The following ASAP2 variants were observed in gnomAD, a reference collection of about 807,000 sequenced individuals.
ASAP2 encodes the protein ArfGAP with SH3 domain, ankyrin repeat and PH domain 2.
A neutral mutation model predicts 131.4 loss-of-function variants in ASAP2; 45 were observed. The observed-to-expected ratio is 0.34, with a 90% confidence interval of 0.27 to 0.44. The LOEUF (loss-of-function observed/expected upper bound fraction) is 0.44, where lower values mean the gene tolerates loss of function less well. Among genes scored for constraint, ASAP2 ranks in the 20% least tolerant of loss-of-function variants. The probability of loss-of-function intolerance (pLI) is 1.00; values close to 1 mark genes in which losing one functional copy is unlikely to be tolerated. For missense variants in ASAP2, 1,011 were observed against 1,297.0 expected (o/e 0.78, Z 3.39); for synonymous variants, 510 against 503.0 (o/e 1.01, Z -0.19).
intron 12 of ASAP2, among the ~76,000 whole-genome samples, chr2:9,355,098 A>T (rs1205023128): frequency 1.3e-5 from 2 of 152,176 alleles, no homozygotes; most frequent in Admixed American, 1.3e-4. Context: ...TCCGTGGTAC[A>T]TGTTATCCAA....
chr2:9,364,717 C>T (rs573573222), intron 15 of ASAP2, among the ~76,000 whole-genome samples: 1 of 152,208 alleles, frequency 6.6e-6, no homozygotes, highest in South Asian at 2.1e-4. Flanking sequence ...TAACGACTTA[C>T]AACTGTCTTC....
Position 9,355,207 on chromosome 2 carries a change from T to C in ASAP2, c.1112-840T>C, listed in dbSNP as rs76662113. Among the ~76,000 whole-genome samples, 1,013 of 152,366 alleles carry C rather than the reference T, an allele frequency of 6.6e-3. 11 individuals carry two copies. Among genetic ancestry groups the C allele is most frequent in the African/African-American group, 0.023 (960 of 41,596 alleles). On this transcript the variant is annotated intron_variant, in intron 12 of 27. Transcript: ENST00000281419. ...ACCAGTTTTCCCCCAAATGTCCTTT[T>C]TTCTGTTCCAGAATTCTATCCAGAA...
At chr2:9,346,086 G>A (rs985904627) in intron 11 of ASAP2, among the ~76,000 whole-genome samples, 5 of 151,902 alleles carry the variant, frequency 3.3e-5, no homozygotes, top group African/African-American at 9.7e-5. Context: ...GATCACCACC[G>A]TACTCCCCCT....
At chr2:9,400,235 C>CCCCTCCTG (rs1558405868) in intron 25 of ASAP2, among the ~76,000 whole-genome samples, 163 bp downstream of exon 25, 1 of 104,682 alleles carries the variant, frequency 9.6e-6, no homozygotes, top group Non-Finnish European at 2.0e-5. Context: ...CCTGCCCCCT[C>CCCCTCCTG]CCCTCCTGCC....
rs887084834 is a variant in ASAP2, at chr2:9,217,076, T to C, written c.126+9846T>C. Among the ~76,000 whole-genome samples, 3 of 152,186 alleles carry C rather than the reference T, an allele frequency of 2.0e-5. No individual in the cohort carries two copies. Among genetic ancestry groups the C allele is most frequent in the Non-Finnish European group, 2.9e-5 (2 of 68,014 alleles). ...TTGGAGGTGATGAAGCCAGGATTCA[T>C]TCAAATCAAGCATTTTGACACCAGA... On this transcript the variant is annotated intron_variant, in intron 1 of 27. Transcript: ENST00000281419. The surrounding 1 kb of genome is among the most constrained non-coding windows in gnomAD (Gnocchi z 4.0).
At position 9,400,781 on chromosome 2, in the gene ASAP2, A is replaced by G. The variant is rs376887717; in HGVS notation, c.2774A>G (p.Asn925Ser). 8.7e-6 allele frequency: 14 copies of G among 1,613,548 alleles called. No homozygotes were observed. The highest frequency in any genetic ancestry group is 5.0e-5 in the Admixed American group (3 of 59,992). The change falls in exon 26 of 28, where the codon AAT (asparagine) becomes AGT (serine). Residue 925 changes from asparagine (N) to serine (S), a missense_variant. Transcript: ENST00000281419. The part of the protein sequence containing the change: ...SATEALGPLS[N>S]AMVLQPPAPM... Reference sequence around the variant, plus strand: ...ACGGAAGCTCTGGGTCCTCTGTCCAATGCTATGGTCCTGCAGCCCCCTGCA... The same window carrying G: ...ACGGAAGCTCTGGGTCCTCTGTCCAGTGCTATGGTCCTGCAGCCCCCTGCA...
At chr2:9,377,427 C>T (rs2715856) in intron 18 of ASAP2, among the ~76,000 whole-genome samples, 16,999 of 152,244 alleles carry the variant, frequency 0.11, 1,050 homozygotes, top group African/African-American at 0.17. Context: ...GAAACCAGAG[C>T]ACTGGATTAT....
intron 3 of ASAP2, among the ~76,000 whole-genome samples, chr2:9,305,025 G>A (rs114562118): frequency 0.013 from 1,947 of 150,086 alleles, 50 homozygotes; most frequent in African/African-American, 0.046. Flanking sequence ...ATTGGTGGAG[G>A]GGCTAGTGTA....
At chr2:9,337,348 G>C (rs1278823707) in intron 9 of ASAP2, among the ~76,000 whole-genome samples, 4 of 152,182 alleles carry the variant, frequency 2.6e-5, no homozygotes, top group South Asian at 4.1e-4. Flanking sequence ...ATGTGAAAAT[G>C]CTAAATTTTC....
intron 6 of ASAP2, among the ~76,000 whole-genome samples, chr2:9,326,592 G>A (rs1670494948): frequency 6.6e-6 from 1 of 152,100 alleles, no homozygotes; most frequent in African/African-American, 2.4e-5. Flanking sequence ...CTTATCCAAA[G>A]ATAACCACTT....
Position 9,403,253 on chromosome 2 carries a change from A to G in ASAP2, c.2947A>G (p.Ile983Val), listed in dbSNP as rs754125034. 7 of 1,613,926 alleles carry G rather than the reference A, an allele frequency of 4.3e-6. No individual in the cohort carries two copies. The South Asian group carries it at 7.7e-5, about 18-fold the overall frequency. Reference protein sequence around the residue: ...VDGEEDQEWWIGHIDGDPGRK... With the variant: ...VDGEEDQEWWVGHIDGDPGRK... ...CAACCTACACTTTTCTCCATTTCAG[A>G]TTGGCCACATTGATGGAGATCCTGG... The change falls in exon 28 of 28, where the codon ATT becomes GTT. Residue 983 changes from isoleucine (I) to valine (V), a missense_variant and splice_region_variant. Ile to Val is a conservative substitution (Grantham distance 29). Transcript: ENST00000281419.
chr2:9,309,940 A>T (rs528552589), intron 3 of ASAP2, among the ~76,000 whole-genome samples: 1 of 152,322 alleles, frequency 6.6e-6, no homozygotes, highest in East Asian at 1.9e-4. Context: ...CCTGCCTCAC[A>T]CACATGTTGT....
intron 1 of ASAP2, among the ~76,000 whole-genome samples, chr2:9,267,177 C>G (rs1666000281): frequency 6.6e-6 from 1 of 151,870 alleles, no homozygotes; most frequent in Admixed American, 6.6e-5. Flanking sequence ...TCGGGGGGTA[C>G]ATGTGTAGGT....
intron 1 of ASAP2, among the ~76,000 whole-genome samples, chr2:9,257,723 G>A (rs7577674): frequency 0.55 from 83,374 of 151,962 alleles, 24,080 homozygotes; most frequent in African/African-American, 0.74. Context: ...GTTTCACCAC[G>A]TTGGCTAGGC....
Position 9,334,046 on chromosome 2 carries a change from T to C in ASAP2, c.687-692T>C, listed in dbSNP as rs1461151145. ...TCTGTCTCTGTCTTTCTCCTTTTTT[T>C]TTTTTTTTTTTTTTTTTTTGGGAGA... On this transcript the variant is annotated intron_variant, in intron 7 of 27. Coordinates refer to ENST00000281419, the MANE Select transcript of ASAP2 (RefSeq NM_003887.3). Among the ~76,000 whole-genome samples, 61 of 141,190 alleles carry C rather than the reference T, an allele frequency of 4.3e-4. No individual in the cohort carries two copies. In the Middle Eastern group the frequency reaches 0.011, roughly 25 times the overall value. 92.6% of individuals were successfully genotyped at this position (141,190 alleles called of 152,430 possible). A position where few individuals can be genotyped will look rare whatever the true frequency, so the allele number is the denominator to read the frequency against.
chr2:9,296,108 GT>G (rs1207834640), intron 2 of ASAP2, among the ~76,000 whole-genome samples: 1 of 152,216 alleles, frequency 6.6e-6, no homozygotes, highest in Non-Finnish European at 1.5e-5. Context: ...CTCTGGTGGA[GT>G]TCACATCCAG....
chr2:9,293,422 G>A (rs1382019540), intron 2 of ASAP2, among the ~76,000 whole-genome samples: 1 of 152,218 alleles, frequency 6.6e-6, no homozygotes, highest in Non-Finnish European at 1.5e-5. Flanking sequence ...ATTTGAACAA[G>A]GGGGAGGTGA....
chr2:9,384,818 A>T (rs1675136445), intron 20 of ASAP2, among the ~76,000 whole-genome samples: 1 of 152,166 alleles, frequency 6.6e-6, no homozygotes, highest in African/African-American at 2.4e-5. Context: ...TGGTGTCAGC[A>T]TCTCTTCCCC....
At chr2:9,318,895 G>C (rs1378980411) in intron 4 of ASAP2, among the ~76,000 whole-genome samples, 1 of 152,264 alleles carries the variant, frequency 6.6e-6, no homozygotes, top group African/African-American at 2.4e-5. Context: ...TCTCCAGGGA[G>C]CAGGGAAACC....
Sources: allele counts gnomAD v4.1 joint callset (sites outside exome capture counted in the v4.1 genomes callset), GRCh38; gene constraint gnomAD v4.1.1; non-coding constraint Gnocchi (gnomAD v3.1); transcripts MANE v1.5; gene names NCBI Gene and HGNC (gene_info 2026-07-23, HGNC 2026-07-21).